CDK14: variants seen among roughly 807,000 people sequenced by gnomAD.
CDK14 encodes the protein cyclin dependent kinase 14, also known as cyclin-dependent kinase 14.
Under a neutral mutation model 60.7 loss-of-function variants are expected in CDK14, and 34 were observed. The observed-to-expected ratio is 0.56, with a 90% confidence interval of 0.43 to 0.75. The LOEUF (loss-of-function observed/expected upper bound fraction) is 0.75, where lower values mean the gene tolerates loss of function less well. CDK14 is among the 30% of genes least tolerant of loss of function. The pLI is 0.00. For synonymous variants in CDK14, 197 were observed against 203.7 expected, an observed-to-expected ratio of 0.97 and a Z score of 0.28; for missense variants, 482 against 564.1, an observed-to-expected ratio of 0.85 and a Z score of 1.47.
chr7:90,758,487 A>G (rs1201548412), intron 4 of CDK14, among the ~76,000 whole-genome samples: 3 of 152,236 alleles, frequency 2.0e-5, no homozygotes, highest in Non-Finnish European at 2.9e-5. Context: ...TCTTTAATTC[A>G]GCACCTTGAA....
rs550127826 is a variant in CDK14, at chr7:91,188,043, A to AT, written c.*29-19118dup. Among the ~76,000 whole-genome samples, 24 of 152,236 alleles carry AT rather than the reference A, an allele frequency of 1.6e-4. No individual in the cohort carries two copies. The South Asian group carries it at 4.8e-3, about 30-fold the overall frequency. ...CTTGCTTGTCTATGGCTGCAGCTTGATTTTACAGGCTGTTCTTTATTAGAA... is the reference window on the plus strand; with the variant it reads ...CTTGCTTGTCTATGGCTGCAGCTTGATTTTTACAGGCTGTTCTTTATTAGAA... On this transcript the variant is annotated intron_variant, in intron 14 of 14. Coordinates refer to ENST00000380050, the MANE Select transcript of CDK14 (RefSeq NM_001287135.2).
intron 1 of CDK14, chr7:90,597,261 T>G (rs927947113): frequency 6.6e-6 from 1 of 152,646 alleles, no homozygotes; most frequent in African/African-American, 2.4e-5. Context: ...AGTCTCGAGG[T>G]CTCTGAATCT....
chr7:91,156,934 A>G (rs1801002986), intron 14 of CDK14, among the ~76,000 whole-genome samples: 1 of 152,180 alleles, frequency 6.6e-6, no homozygotes, highest in Admixed American at 6.5e-5. Context: ...GGATGATACA[A>G]CTATATTTTA....
intron 12 of CDK14, among the ~76,000 whole-genome samples, chr7:91,089,714 C>T (rs1798747887): frequency 1.3e-5 from 2 of 152,114 alleles, no homozygotes; most frequent in Admixed American, 1.3e-4. Context: ...CCCTCTCTGC[C>T]ACGTTAGGTG....
chr7:90,940,134 G>C (rs548179088), intron 8 of CDK14, among the ~76,000 whole-genome samples: 149 of 152,024 alleles, frequency 9.8e-4, no homozygotes, highest in Non-Finnish European at 1.5e-3. Context: ...AGTACAAAAT[G>C]GGAGTATAGT....
chr7:91,116,359 C>T (rs1799611446), intron 13 of CDK14, among the ~76,000 whole-genome samples: 1 of 152,196 alleles, frequency 6.6e-6, no homozygotes. Flanking sequence ...TGGATTGCAG[C>T]TTCAGCTCCA....
intron 2 of CDK14, among the ~76,000 whole-genome samples, chr7:90,639,526 C>T (rs2116434554): frequency 6.6e-6 from 1 of 152,108 alleles, no homozygotes; most frequent in Non-Finnish European, 1.5e-5. Context: ...TGTGAGGTGT[C>T]AGTCTGTACC....
At chr7:90,966,307 A>G (rs986790538) in intron 9 of CDK14, among the ~76,000 whole-genome samples, 1 of 152,008 alleles carries the variant, frequency 6.6e-6, no homozygotes, top group Non-Finnish European at 1.5e-5. Flanking sequence ...GGATGGGGAC[A>G]TTTTTTGGCT....
At chr7:91,137,688 T>TGGG (rs111697821) in intron 14 of CDK14, among the ~76,000 whole-genome samples, 1,216 of 37,792 alleles carry the variant, frequency 0.032, 16 homozygotes, top group African/African-American at 0.17. Flanking sequence ...TAAAGACTTG[T>TGGG]GGGGGGTGTG....
At chr7:90,878,549 A>G (rs1335548647) in intron 6 of CDK14, among the ~76,000 whole-genome samples, 1 of 151,838 alleles carries the variant, frequency 6.6e-6, no homozygotes, top group African/African-American at 2.4e-5. Flanking sequence ...TTCATCTGGA[A>G]GATCCATCCT....
chr7:90,630,591 A>G (rs1434097095), intron 2 of CDK14, among the ~76,000 whole-genome samples: 1 of 152,210 alleles, frequency 6.6e-6, no homozygotes, highest in Admixed American at 6.5e-5. Context: ...AACGTCTACC[A>G]TTCTGGCAAA....
intron 2 of CDK14, among the ~76,000 whole-genome samples, chr7:90,639,803 C>T (rs923828166): frequency 1.2e-4 from 18 of 152,150 alleles, no homozygotes; most frequent in Admixed American, 2.0e-4. Context: ...CTTTGTTTAC[C>T]TAAGCAAGCC....
chr7:91,084,807 C>T (rs1798587154), intron 12 of CDK14, among the ~76,000 whole-genome samples: 1 of 152,218 alleles, frequency 6.6e-6, no homozygotes, highest in Non-Finnish European at 1.5e-5. Context: ...TTCATCCTTT[C>T]AGATTACGTG....
intron 6 of CDK14, among the ~76,000 whole-genome samples, chr7:90,866,856 G>A (rs1029420386): frequency 2.6e-5 from 4 of 152,146 alleles, no homozygotes; most frequent in African/African-American, 7.2e-5. Context: ...GCGGCTAATA[G>A]GATATTGTTG....
At chr7:91,046,093 A>C in intron 11 of CDK14, 133 bp downstream of exon 11, 1 of 621,448 alleles carries the variant, frequency 1.6e-6, no homozygotes, top group Non-Finnish European at 2.9e-6. Context: ...TTGTCTATTA[A>C]TGGAATTGTC....
At chr7:91,117,271 A>G (rs1205655966) in intron 13 of CDK14, among the ~76,000 whole-genome samples, 1 of 151,154 alleles carries the variant, frequency 6.6e-6, no homozygotes, top group East Asian at 2.0e-4. Context: ...TATTGTTGCT[A>G]CCTTCACAGT....
At chr7:90,825,091 T>G (rs80313084) in intron 5 of CDK14, among the ~76,000 whole-genome samples, 1,533 of 152,186 alleles carry the variant, frequency 0.01, 24 homozygotes, top group African/African-American at 0.034. Flanking sequence ...ATGGACAAAT[T>G]AACATCTGAA....
At chr7:90,899,429 C>A in intron 7 of CDK14, 76 bp downstream of exon 7, 2 of 1,090,806 alleles carry the variant, frequency 1.8e-6, no homozygotes, top group Non-Finnish European at 2.6e-6. Flanking sequence ...AGCATCTCTA[C>A]CATAACATAT....
intron 5 of CDK14, among the ~76,000 whole-genome samples, chr7:90,829,859 G>C (rs1351135486): frequency 6.6e-6 from 1 of 152,176 alleles, no homozygotes; most frequent in Non-Finnish European, 1.5e-5. Context: ...CTCCAAAACA[G>C]TTACCTTTGA....
Sources: gnomAD v4.1 joint callset for allele counts (sites outside exome capture counted in the v4.1 genomes callset) on GRCh38, gnomAD v4.1.1 for gene constraint, MANE v1.5 for transcripts, NCBI Gene and HGNC (gene_info 2026-07-23, HGNC 2026-07-21) for gene names.